TENM4: variants seen among roughly 807,000 people sequenced by gnomAD.
TENM4 encodes the protein teneurin-4.
Under a neutral mutation model 243.3 loss-of-function variants are expected in TENM4, and 82 were observed. That is an observed-to-expected ratio of 0.34 (90% CI 0.28 to 0.40). TENM4 has a LOEUF of 0.40. TENM4 is among the 10% of genes least tolerant of loss of function. The pLI is 1.00. For missense variants in TENM4, 3,138 were observed against 3,673.3 expected (o/e 0.85, Z 3.77); for synonymous variants, 1,412 against 1,456.3 (o/e 0.97, Z 0.69).
chr11:78,658,854 AGGGG>A (rs1396891854), intron 33 of TENM4, 38 bp from the exon 34 acceptor site: 9 of 1,576,038 alleles, frequency 5.7e-6, no homozygotes, highest in Admixed American at 5.4e-5. Context: ...AGTAAGACAA[AGGGG>A]AAAAAACCCT....
chr11:79,104,156 T>A (rs983322097), intron 4 of TENM4, among the ~76,000 whole-genome samples: 1 of 152,184 alleles, frequency 6.6e-6, no homozygotes, highest in African/African-American at 2.4e-5. Flanking sequence ...AAATTAACCA[T>A]CTCATTTTCT....
At chr11:78,791,559 C>G (rs1452156809) in intron 15 of TENM4, among the ~76,000 whole-genome samples, 1 of 152,178 alleles carries the variant, frequency 6.6e-6, no homozygotes, top group Non-Finnish European at 1.5e-5. Flanking sequence ...TCCCTGTGTG[C>G]AAGCCCCACA....
In TENM4 at chr11:79,388,580, C is replaced by T. The variant is rs561188455; in HGVS notation, c.-321+51929G>A. On this transcript the variant is annotated intron_variant, in intron 1 of 33. Transcript: ENST00000278550. Reference sequence around the variant, plus strand: ...TCCTTTGGGCGTAAGAGTGGGGCCTCGTGCACACAGGCAGGAGTTCCTCCC... The same window carrying T: ...TCCTTTGGGCGTAAGAGTGGGGCCTTGTGCACACAGGCAGGAGTTCCTCCC... 1.1e-4 allele frequency among the ~76,000 whole-genome samples: 16 copies of T among 152,264 alleles called. No individual in the cohort carries two copies. In the East Asian group the frequency reaches 1.7e-3, roughly 17 times the overall value.
At chr11:78,660,612 G>A (rs745648641) in intron 33 of TENM4, among the ~76,000 whole-genome samples, 18 of 152,140 alleles carry the variant, frequency 1.2e-4, no homozygotes, top group Non-Finnish European at 1.9e-4. Flanking sequence ...AAGCCATCTG[G>A]CAACCTGCTT....
chr11:79,028,326 C>A (rs7927281), intron 6 of TENM4, among the ~76,000 whole-genome samples: 1 of 152,078 alleles, frequency 6.6e-6, no homozygotes, highest in South Asian at 2.1e-4. Context: ...CCTAGGTCAG[C>A]TTCCCTGGGA....
At chr11:79,251,721 TA>T (rs1483283158) in intron 2 of TENM4, among the ~76,000 whole-genome samples, 4 of 150,802 alleles carry the variant, frequency 2.7e-5, no homozygotes, top group Admixed American at 1.3e-4. Context: ...TTTAAATTAC[TA>T]AAAAGATAAA....
At chr11:78,709,245 G>A (rs1166724581) in intron 26 of TENM4, among the ~76,000 whole-genome samples, 1 of 151,462 alleles carries the variant, frequency 6.6e-6, no homozygotes, top group Non-Finnish European at 1.5e-5. Context: ...GATTACAGGC[G>A]TGAGCCACCA....
At chr11:79,061,353 G>A (rs555600713) in intron 6 of TENM4, among the ~76,000 whole-genome samples, 50 of 152,304 alleles carry the variant, frequency 3.3e-4, no homozygotes, top group African/African-American at 1.2e-3. Flanking sequence ...AGGGATGTGG[G>A]AAACAGAAGC....
At chr11:78,743,240 T>C (rs970475313) in intron 19 of TENM4, among the ~76,000 whole-genome samples, 3 of 152,134 alleles carry the variant, frequency 2.0e-5, no homozygotes, top group African/African-American at 7.2e-5. Flanking sequence ...TCTGGGCTAC[T>C]CCTCATGAAC....
intron 1 of TENM4, among the ~76,000 whole-genome samples, chr11:79,428,239 C>T (rs1435903350): frequency 1.3e-5 from 2 of 152,162 alleles, no homozygotes; most frequent in East Asian, 3.9e-4. Context: ...AAAGCCCTCT[C>T]CAAAATACAA....
chr11:78,831,618 G>A (rs984603050), intron 12 of TENM4, among the ~76,000 whole-genome samples: 1 of 152,222 alleles, frequency 6.6e-6, no homozygotes, highest in African/African-American at 2.4e-5. Flanking sequence ...AAAGGCAGAT[G>A]TTTTCAGAAT....
chr11:78,991,660 T>TC (rs1277885751), intron 6 of TENM4, among the ~76,000 whole-genome samples: 1 of 152,170 alleles, frequency 6.6e-6, no homozygotes, highest in African/African-American at 2.4e-5. Context: ...TCGTCACATT[T>TC]CCCCATGTGG....
intron 6 of TENM4, among the ~76,000 whole-genome samples, chr11:79,029,715 T>C (rs981204002): frequency 6.6e-6 from 1 of 152,044 alleles, no homozygotes; most frequent in African/African-American, 2.4e-5. Flanking sequence ...CCTTCCAAGT[T>C]GGAAGGCAAA....
At chr11:78,898,689 TA>T (rs1305539485) in intron 7 of TENM4, among the ~76,000 whole-genome samples, 1 of 152,224 alleles carries the variant, frequency 6.6e-6, no homozygotes, top group African/African-American at 2.4e-5. Flanking sequence ...TTCATTCATT[TA>T]TTTCACCTGT....
chr11:79,218,243 C>CCCCA (rs1163575964), intron 2 of TENM4, among the ~76,000 whole-genome samples: 1 of 143,424 alleles, frequency 7.0e-6, no homozygotes, highest in Non-Finnish European at 1.5e-5. Flanking sequence ...CACCCACCCC[C>CCCCA]GACACACACA....
intron 2 of TENM4, among the ~76,000 whole-genome samples, chr11:79,275,034 T>C (rs1400278992): frequency 2.0e-5 from 3 of 152,220 alleles, no homozygotes; most frequent in Non-Finnish European, 4.4e-5. Context: ...TTATACACTT[T>C]GGATCCCTGT....
At chr11:79,107,179 T>C (rs1393421166) in intron 4 of TENM4, among the ~76,000 whole-genome samples, 1 of 152,168 alleles carries the variant, frequency 6.6e-6, no homozygotes, top group Non-Finnish European at 1.5e-5. Context: ...CCAGGCAGCA[T>C]GGCTACAGGG....
intron 9 of TENM4, among the ~76,000 whole-genome samples, chr11:78,867,688 T>C (rs1859017613): frequency 6.6e-6 from 1 of 152,222 alleles, no homozygotes; most frequent in African/African-American, 2.4e-5. Context: ...AAGTGCTTTA[T>C]TTATATTATT....
Position 78,688,177 on chromosome 11 carries a change from C to T in TENM4, c.5137G>A (p.Val1713Met). 1 of 1,613,886 alleles carries T rather than the reference C, an allele frequency of 6.2e-7. No homozygotes were observed. Among genetic ancestry groups the T allele is most frequent in the Non-Finnish European group, 8.5e-7 (1 of 1,179,840 alleles). Residue 1713 changes from valine to methionine, a missense_variant, in exon 29 of 34, where the codon GTG (valine) becomes ATG (methionine). This residue lies in a region of TENM4 where 2,467 missense variants were observed against 3,059.1 expected (regional missense o/e 0.81). Coordinates refer to ENST00000278550, the MANE Select transcript of TENM4 (RefSeq NM_001098816.3). ...LTNVTFPTGQ[V>M]SSFRSDTDSS... ...TCTGTATCACTTCGGAAACTGCTCA[C>T]CTGGCCAGTAGGGAAGGTCACATTT...
Sources: gnomAD v4.1 joint callset for allele counts (sites outside exome capture counted in the v4.1 genomes callset) on GRCh38, gnomAD v4.1.1 for gene constraint, gnomAD v4.1.1 regional missense constraint, MANE v1.5 for transcripts, NCBI Gene and HGNC (gene_info 2026-07-23, HGNC 2026-07-21) for gene names.